MATR3: variants seen among roughly 807,000 people sequenced by gnomAD.
MATR3 encodes matrin-3.
A neutral mutation model predicts 85.5 loss-of-function variants in MATR3; 4 were observed. The observed-to-expected ratio is 0.05, with a 90% CI of 0.02 to 0.11. The LOEUF (loss-of-function observed/expected upper bound fraction) is 0.11, where lower values mean the gene tolerates loss of function less well. Ranked by LOEUF, MATR3 falls within the 10% of genes least tolerant of loss-of-function variation. The pLI, the probability that MATR3 is intolerant of heterozygous loss-of-function variation, is 1.00. For synonymous variants in MATR3, 336 were observed against 343.1 expected, an observed-to-expected ratio of 0.98 and a Z score of 0.23; for missense variants, 685 against 1,016.1, an observed-to-expected ratio of 0.67 and a Z score of 4.43.
Position 139,330,035 on chromosome 5 carries a change from A to G in MATR3, c.*640A>G, listed in dbSNP as rs145836548. 0.01 allele frequency: 4,658 copies of G among 454,402 alleles called. 109 individuals are homozygous for G. Among genetic ancestry groups the G allele is most frequent in the South Asian group, 0.047 (3,006 of 64,438 alleles). The allele number at this position is 454,402 out of a possible 1,614,324, so 28.1% of individuals were successfully genotyped here. Reference sequence around the variant, plus strand: ...GCTAGATTTCGTATTCTAGTAGTCAATGTATTTTCAGTGAAATGCAAAAAT... The same window carrying G: ...GCTAGATTTCGTATTCTAGTAGTCAGTGTATTTTCAGTGAAATGCAAAAAT... On this transcript the variant is annotated 3_prime_UTR_variant, in exon 15 of 15. Transcript: ENST00000394805.
intron 9 of MATR3, among the ~76,000 whole-genome samples, chr5:139,320,451 T>G (rs770093655): frequency 6.6e-6 from 1 of 152,118 alleles, no homozygotes; most frequent in Non-Finnish European, 1.5e-5. Context: ...AAAAAAAATT[T>G]TTTTTAACCA....
upstream of MATR3, among the ~76,000 whole-genome samples, chr5:139,290,536 A>T (rs180939392): frequency 1.0e-3 from 139 of 135,698 alleles, no homozygotes; most frequent in African/African-American, 3.2e-3. Context: ...CGATCCTTCC[A>T]CATCAGCCAC....
chr5:139,286,522 G>A (rs1047188640), intron 3 of MATR3, among the ~76,000 whole-genome samples: 2 of 151,158 alleles, frequency 1.3e-5, no homozygotes, highest in African/African-American at 2.4e-5. Context: ...CTGTGGACAA[G>A]CTTCTTGATA....
upstream of MATR3, among the ~76,000 whole-genome samples, chr5:139,291,169 CAG>C (rs1348991414): frequency 6.6e-6 from 1 of 152,214 alleles, no homozygotes; most frequent in Non-Finnish European, 1.5e-5. Flanking sequence ...AAGTCTACCT[CAG>C]AGTTTTCACA....
In MATR3 at chr5:139,307,969, G is replaced by A. The variant is rs774803066; in HGVS notation, c.554G>A (p.Arg185Lys). Residue 185 changes from arginine (R) to lysine (K), a missense_variant, in exon 2 of 15, where the codon AGA becomes AAA. Transcript: ENST00000394805. This position sits in a 1 kb window ranked among gnomAD's most constrained non-coding sequence, Gnocchi z 4.4. ...RDDWEEKRHF[R>K]RDSFDDRGPS... Reference sequence around the variant, plus strand: ...GATTGGGAAGAAAAAAGGCACTTTAGAAGAGATAGTTTTGATGATCGTGGT... The same window carrying A: ...GATTGGGAAGAAAAAAGGCACTTTAAAAGAGATAGTTTTGATGATCGTGGT... The A allele has an allele frequency of 6.2e-7, 1 of 1,614,148 alleles. No individual in the cohort carries two copies. The highest frequency in any genetic ancestry group is 8.5e-7 in the Non-Finnish European group (1 of 1,180,028).
intron 1 of MATR3, among the ~76,000 whole-genome samples, chr5:139,296,106 A>G (rs1754134760): frequency 6.6e-6 from 1 of 152,210 alleles, no homozygotes; most frequent in African/African-American, 2.4e-5. Flanking sequence ...CTTAAAATGG[A>G]AAGACTGTGC....
At position 139,322,941 on chromosome 5, in the gene MATR3, G is replaced by A; in HGVS notation, c.2122G>A (p.Ala708Thr). The A allele has an allele frequency of 6.2e-7, 1 of 1,614,066 alleles. No homozygotes were observed. The highest frequency in any genetic ancestry group is 8.5e-7 in the Non-Finnish European group (1 of 1,180,002). The change falls in exon 12 of 15, where the codon GCA (alanine) becomes ACA (threonine). Residue 708 changes from alanine to threonine, a missense_variant. Transcript: ENST00000394805. ...KAVKKDGSAS[A>T]AAKKKLKKVD... ...TGTGAAAAAAGATGGAAGTGCTTCA[G>A]CAGCAGCAAAGAAAAAGCTTAAAAA...
chr5:139,311,697 TA>T (rs1406887977), intron 2 of MATR3: 3 of 151,038 alleles, frequency 2.0e-5, no homozygotes, highest in African/African-American at 7.3e-5. Context: ...AAAATCTGAA[TA>T]TTTTTAGTTC....
intron 14 of MATR3, 52 bp from the exon 15 acceptor site, chr5:139,329,293 T>A (rs1756011078): frequency 4.8e-6 from 6 of 1,256,446 alleles, no homozygotes; most frequent in Non-Finnish European, 7.0e-6. Flanking sequence ...TTAATCCATT[T>A]TGCTGCATTT....
intron 6 of MATR3, 82 bp from the exon 7 acceptor site, chr5:139,317,513 AT>A: frequency 7.5e-7 from 1 of 1,336,938 alleles, no homozygotes; most frequent in Non-Finnish European, 1.1e-6. Context: ...TTAATTATAG[AT>A]TATAAAAAGT....
chr5:139,309,850 A>AT (rs1473847956), intron 2 of MATR3, among the ~76,000 whole-genome samples: 3 of 152,140 alleles, frequency 2.0e-5, no homozygotes, highest in Non-Finnish European at 2.9e-5. Flanking sequence ...GGTGACTCCA[A>AT]TTTTTTCTGC....
rs148980401 is a variant in MATR3, at chr5:139,308,007, C to G, written c.592C>G (p.Pro198Ala). The G allele has an allele frequency of 6.2e-7, 1 of 1,614,094 alleles. No homozygotes were observed. Among genetic ancestry groups the G allele is most frequent in the Non-Finnish European group, 8.5e-7 (1 of 1,180,022 alleles). ...SFDDRGPSLNPVLDYDHGSRS... is the reference protein window; with the variant it reads ...SFDDRGPSLNAVLDYDHGSRS... ...TGATGATCGTGGTCCTAGTCTCAAC[C>G]CAGTGCTTGATTATGACCATGGAAG... The change falls in exon 2 of 15, where the codon CCA becomes GCA. Residue 198 changes from proline (P) to alanine (A), a missense_variant. By Grantham distance (27) the Pro-to-Ala change is conservative. This residue lies in a region of MATR3 where 223 missense variants were observed against 334.4 expected (regional missense o/e 0.67). Transcript: ENST00000394805.
At chr5:139,274,336 T>C (rs1272479012) in intron 1 of MATR3, 1 of 346,078 alleles carries the variant, frequency 2.9e-6, no homozygotes, top group African/African-American at 2.1e-5. Flanking sequence ...CCTGTTTTTC[T>C]ACCATCCCTC....
intron 9 of MATR3, 29 bp downstream of exon 9, chr5:139,319,530 G>A: frequency 6.3e-7 from 1 of 1,576,384 alleles, no homozygotes. Flanking sequence ...TTTTAGAGAA[G>A]ATAATTTATT....
rs1428283463 is a variant in MATR3 at position 139,331,616 on chromosome 5, A to G, written c.*2221A>G. 2.2e-6 allele frequency: 1 copy of G among 454,006 alleles called. No homozygotes were observed. The allele number at this position is 454,006 out of a possible 1,614,324, so 28.1% of individuals were successfully genotyped here. A position where few individuals can be genotyped will look rare whatever the true frequency, so the allele number is the denominator to read the frequency against. Reference sequence around the variant, plus strand: ...AGAACATTTTTCCTACGGCTATGTCAGCCCTTAGTTTAATCTTACATTATC... The same window carrying G: ...AGAACATTTTTCCTACGGCTATGTCGGCCCTTAGTTTAATCTTACATTATC... On this transcript the variant is annotated 3_prime_UTR_variant, in exon 15 of 15. Transcript: ENST00000394805.
rs1213825852 is a variant in MATR3, at chr5:139,326,171, T to C, written c.2380T>C (p.Tyr794His). The change falls in exon 14 of 15, where the codon TAT becomes CAT. Residue 794 changes from tyrosine (Y) to histidine (H), a missense_variant. This residue lies in a region of MATR3 where 45 missense variants were observed against 82.5 expected (regional missense o/e 0.55). Transcript: ENST00000394805. ...TATGTTTGTATTTCTAGGTATAGAC[T>C]ATGTGATACCTAAAACAGGGTTTTA... is the stretch of plus-strand genomic sequence containing the variant. Reference protein sequence around the residue: ...YQPNVPVGIDYVIPKTGFYCK... With the variant: ...YQPNVPVGIDHVIPKTGFYCK... The C allele has an allele frequency of 6.2e-7, 1 of 1,603,774 alleles. No homozygotes were observed. Among genetic ancestry groups the C allele is most frequent in the Non-Finnish European group, 8.5e-7 (1 of 1,172,100 alleles).
Position 139,307,818 on chromosome 5 carries a change from C to T in MATR3, c.403C>T (p.Pro135Ser), listed in dbSNP as rs769914717. Reference sequence around the variant, plus strand: ...TCGTTATCCAGAGGACAAGATTACTCCTGAGAATTTGCCCCAAATCCTTCT... The same window carrying T: ...TCGTTATCCAGAGGACAAGATTACTTCTGAGAATTTGCCCCAAATCCTTCT... ...LSRYPEDKIT[P>S]ENLPQILLQL... The change falls in exon 2 of 15, where the codon CCT becomes TCT. Residue 135 changes from proline to serine, a missense_variant. This residue lies in a region of MATR3 where 223 missense variants were observed against 334.4 expected (regional missense o/e 0.67). Transcript: ENST00000394805. The surrounding 1 kb of genome is among the most constrained non-coding windows in gnomAD (Gnocchi z 4.4). 3 of 1,614,064 alleles carry T rather than the reference C, an allele frequency of 1.9e-6. No homozygotes were observed. The highest frequency in any genetic ancestry group is 2.5e-6 in the Non-Finnish European group (3 of 1,180,012).
chr5:139,308,253 G>A lies in MATR3; in HGVS notation c.838G>A (p.Asp280Asn). 6.2e-7 allele frequency: 1 copy of A among 1,614,080 alleles called. No individual in the cohort carries two copies. Among genetic ancestry groups the A allele is most frequent in the Non-Finnish European group, 8.5e-7 (1 of 1,179,992 alleles). Reference sequence around the variant, plus strand: ...CGCTCCTCCAAGTAGCAATATTGAAGACTTCCATGGACTCTTACCGAAGGG... The same window carrying A: ...CGCTCCTCCAAGTAGCAATATTGAAAACTTCCATGGACTCTTACCGAAGGG... Reference protein sequence around the residue: ...RGAPPSSNIEDFHGLLPKGYP... With the variant: ...RGAPPSSNIENFHGLLPKGYP... Residue 280 changes from aspartate (D) to asparagine (N), a missense_variant, in exon 2 of 15, where the codon GAC (aspartate) becomes AAC (asparagine). Physicochemically the swap from Asp to Asn is conservative, Grantham distance 23. Coordinates refer to ENST00000394805, the MANE Select transcript of MATR3 (RefSeq NM_018834.6).
chr5:139,330,533 C>G lies in MATR3; in HGVS notation c.*1138C>G. The G allele has an allele frequency of 2.2e-6, 1 of 454,112 alleles. No individual in the cohort carries two copies. Among genetic ancestry groups the G allele is most frequent in the Non-Finnish European group, 4.4e-6 (1 of 226,792 alleles). 28.1% of individuals were successfully genotyped at this position (454,112 alleles called of 1,614,324 possible). The stretch of plus-strand genomic sequence containing the variant: ...TTAAATCTAGAGTGAATTCTAAAGA[C>G]TGCCGCTAAAGATCTGAGTTTTAAA... On this transcript the variant is annotated 3_prime_UTR_variant, in exon 15 of 15. Transcript: ENST00000394805.
Sources: gnomAD v4.1 joint callset for allele counts (sites outside exome capture counted in the v4.1 genomes callset) on GRCh38, gnomAD v4.1.1 for gene constraint, gnomAD v4.1.1 regional missense constraint, Gnocchi (gnomAD v3.1) non-coding constraint, MANE v1.5 for transcripts, NCBI Gene and HGNC (gene_info 2026-07-23, HGNC 2026-07-21) for gene names.